Variants in DIAPH3 observed in about 807,000 individuals in gnomAD.
DIAPH3 encodes protein diaphanous homolog 3.
Under a neutral mutation model 144.3 loss-of-function variants are expected in DIAPH3, and 117 were observed. The ratio of observed to expected loss-of-function variants is 0.81; its 90% CI spans 0.70 to 0.95. The LOEUF (loss-of-function observed/expected upper bound fraction) is 0.95, where lower values mean the gene tolerates loss of function less well. DIAPH3 is among the 40% of genes least tolerant of loss of function. The probability of loss-of-function intolerance (pLI) is 0.00; values close to 1 mark genes in which losing one functional copy is unlikely to be tolerated. For synonymous variants in DIAPH3, 519 were observed against 488.9 expected (o/e 1.06, Z -0.81); for missense variants, 1,421 against 1,412.7 (o/e 1.01, Z -0.09).
At chr13:59,734,480 T>A (rs1201125377) in intron 27 of DIAPH3, among the ~76,000 whole-genome samples, 2 of 152,236 alleles carry the variant, frequency 1.3e-5, no homozygotes, top group Non-Finnish European at 2.9e-5. Flanking sequence ...CTTTAAATCA[T>A]CTAACTTTGC....
In DIAPH3 at chr13:59,802,479, T is replaced by C. The variant is rs1431726334; in HGVS notation, c.3163+8309A>G. ...TATCAATTTATAAATATATCAATTT[T>C]ATCAAAATAACAATAACTCATTATT... On this transcript the variant is annotated intron_variant, in intron 25 of 27. Transcript: ENST00000400324. Among the ~76,000 whole-genome samples the C allele has an allele frequency of 3.3e-5, 5 of 150,526 alleles. No homozygotes were observed. In the East Asian group the frequency reaches 9.7e-4, roughly 29 times the overall value.
chr13:60,000,201 T>C (rs752103904), intron 9 of DIAPH3, among the ~76,000 whole-genome samples: 9 of 152,140 alleles, frequency 5.9e-5, no homozygotes. Flanking sequence ...TTGAAAAATA[T>C]ATTCTAGGGT....
intron 27 of DIAPH3, among the ~76,000 whole-genome samples, chr13:59,730,403 G>A (rs754526114): frequency 1.3e-5 from 2 of 152,078 alleles, no homozygotes; most frequent in Non-Finnish European, 2.9e-5. Flanking sequence ...TGTAGCATTT[G>A]ACTACACAAG....
intron 14 of DIAPH3, among the ~76,000 whole-genome samples, chr13:59,978,212 T>C (rs879686604): frequency 2.0e-5 from 3 of 151,790 alleles, no homozygotes; most frequent in Non-Finnish European, 4.4e-5. Flanking sequence ...TAAAGTCAAA[T>C]AAATATTTGT....
intron 1 of DIAPH3, among the ~76,000 whole-genome samples, chr13:60,143,786 G>A (rs1383695755): frequency 6.6e-6 from 1 of 152,056 alleles, no homozygotes; most frequent in African/African-American, 2.4e-5. Flanking sequence ...TATTTCTTTG[G>A]GGCTCAAATA....
intron 20 of DIAPH3, among the ~76,000 whole-genome samples, chr13:59,896,861 C>G (rs893077783): frequency 6.6e-6 from 1 of 152,080 alleles, no homozygotes; most frequent in Non-Finnish European, 1.5e-5. Context: ...AAATAAATAA[C>G]CCAGCACTGT....
intron 25 of DIAPH3, among the ~76,000 whole-genome samples, chr13:59,780,732 G>A (rs1406465339): frequency 2.6e-5 from 4 of 152,110 alleles, no homozygotes; most frequent in East Asian, 1.9e-4. Flanking sequence ...AGATCTCTGC[G>A]GCCCATTGCT....
intron 20 of DIAPH3, among the ~76,000 whole-genome samples, chr13:59,891,351 A>T (rs1157697580): frequency 6.6e-6 from 1 of 152,046 alleles, no homozygotes; most frequent in Non-Finnish European, 1.5e-5. Context: ...AAATGAAAGA[A>T]ATTAAGCAGA....
chr13:60,128,470 A>T (rs1051361258), intron 2 of DIAPH3, among the ~76,000 whole-genome samples: 2 of 152,152 alleles, frequency 1.3e-5, no homozygotes, highest in Non-Finnish European at 2.9e-5. Flanking sequence ...GAAAGTGTGT[A>T]TTACTAAACA....
At chr13:59,977,622 C>T (rs556741874) in intron 14 of DIAPH3, among the ~76,000 whole-genome samples, 1 of 151,602 alleles carries the variant, frequency 6.6e-6, no homozygotes, top group South Asian at 2.1e-4. Context: ...GTTATCCAAG[C>T]GAGAACTGAA....
At chr13:59,918,224 AGAGAG>A (rs2047328578) in intron 18 of DIAPH3, among the ~76,000 whole-genome samples, 2 of 137,160 alleles carry the variant, frequency 1.5e-5, no homozygotes, top group Non-Finnish European at 3.1e-5. Flanking sequence ...AAAAAAAAAA[AGAGAG>A]AGAGAGAGAG....
intron 27 of DIAPH3, among the ~76,000 whole-genome samples, chr13:59,667,826 T>C (rs2032110185): frequency 6.6e-6 from 1 of 152,186 alleles, no homozygotes; most frequent in Admixed American, 6.5e-5. Context: ...TGAGAGATGT[T>C]CCATTGTCCC....
chr13:59,688,755 A>G (rs377080169), intron 27 of DIAPH3, among the ~76,000 whole-genome samples: 4 of 152,100 alleles, frequency 2.6e-5, no homozygotes, highest in Non-Finnish European at 5.9e-5. Context: ...GATTAGATAC[A>G]TCAGAAACAA....
chr13:60,100,978 T>TCC (rs936940876), intron 3 of DIAPH3, among the ~76,000 whole-genome samples: 18 of 152,074 alleles, frequency 1.2e-4, no homozygotes, highest in African/African-American at 4.3e-4. Context: ...CACAAACTTC[T>TCC]CCAACTGTTT....
chr13:60,139,602 A>T (rs1482214171), intron 1 of DIAPH3, among the ~76,000 whole-genome samples: 2 of 152,186 alleles, frequency 1.3e-5, no homozygotes, highest in Non-Finnish European at 2.9e-5. Context: ...CTCTGAGAAC[A>T]CAAGGTTTAA....
At chr13:60,021,052 T>C (rs569747865) in intron 5 of DIAPH3, 1 of 152,326 alleles carries the variant, frequency 6.6e-6, no homozygotes, top group African/African-American at 2.4e-5. Flanking sequence ...TGTAATGCCA[T>C]GGGCAATGGG....
At chr13:60,124,019 C>T (rs368903766) in intron 2 of DIAPH3, among the ~76,000 whole-genome samples, 99 of 152,256 alleles carry the variant, frequency 6.5e-4, no homozygotes, top group African/African-American at 2.3e-3. Flanking sequence ...TAGCATATAT[C>T]CCACAAGACA....
intron 17 of DIAPH3, among the ~76,000 whole-genome samples, chr13:59,927,788 C>G (rs1581767): frequency 0.63 from 95,949 of 152,028 alleles, 31,071 homozygotes; most frequent in Admixed American, 0.71. Flanking sequence ...TGACTTGACA[C>G]TTTTCTCTTG....
intron 2 of DIAPH3, among the ~76,000 whole-genome samples, chr13:60,124,153 AG>A (rs1566798367): frequency 6.6e-6 from 1 of 152,202 alleles, no homozygotes; most frequent in Non-Finnish European, 1.5e-5. Flanking sequence ...AGTTATACCG[AG>A]GAAGAAGGCC....
Sources: gnomAD v4.1 joint callset for allele counts (sites outside exome capture counted in the v4.1 genomes callset) on GRCh38, gnomAD v4.1.1 for gene constraint, MANE v1.5 for transcripts, NCBI Gene and HGNC (gene_info 2026-07-23, HGNC 2026-07-21) for gene names.